IRGM: variants seen among roughly 807,000 people sequenced by gnomAD.
IRGM encodes immunity-related GTPase family M protein.
For missense variants in IRGM, 288 were observed against 219.9 expected, an observed-to-expected ratio of 1.31 and a Z score of -1.96; for synonymous variants, 98 against 80.6, an observed-to-expected ratio of 1.22 and a Z score of -1.16.
chr5:150,849,744 C>T (rs569416825), downstream of IRGM, among the ~76,000 whole-genome samples: 5 of 151,646 alleles, frequency 3.3e-5, no homozygotes, highest in South Asian at 8.3e-4. Flanking sequence ...GTAGCTGAGA[C>T]AACAGGTGCA....
At chr5:150,861,467 A>G (rs1754134994) in intron 1 of IRGM, among the ~76,000 whole-genome samples, 1 of 152,206 alleles carries the variant, frequency 6.6e-6, no homozygotes, top group Non-Finnish European at 1.5e-5. Flanking sequence ...CAGATTCAAG[A>G]GGAGGGGACT....
chr5:150,888,871 G>A (rs1033260901), intron 3 of IRGM, among the ~76,000 whole-genome samples: 1 of 152,034 alleles, frequency 6.6e-6, no homozygotes, highest in South Asian at 2.1e-4. Flanking sequence ...ACGAATTTGG[G>A]GAGAATTAAT....
chr5:150,869,591 T>TG (rs1754253391), intron 1 of IRGM, among the ~76,000 whole-genome samples: 1 of 152,220 alleles, frequency 6.6e-6, no homozygotes, highest in South Asian at 2.1e-4. Context: ...AGAATTTAAC[T>TG]GTGAATCCAT....
intron 1 of IRGM, among the ~76,000 whole-genome samples, chr5:150,867,552 C>A (rs1754224862): frequency 6.6e-6 from 1 of 152,094 alleles, no homozygotes; most frequent in African/African-American, 2.4e-5. Context: ...TAAGAAATAT[C>A]CATACTGTTT....
chr5:150,895,494 C>T (rs1426960709), intron 3 of IRGM: 2 of 1,613,472 alleles, frequency 1.2e-6, no homozygotes, highest in East Asian at 2.2e-5. Context: ...GGCCTTCCCA[C>T]ATATAGCACA....
chr5:150,901,964 G>A (rs10035986), downstream of IRGM, among the ~76,000 whole-genome samples: 3,539 of 152,046 alleles, frequency 0.023, 140 homozygotes, highest in African/African-American at 0.081. Context: ...AAAGAAAAGC[G>A]CAAGAAAATA....
At position 150,880,392 on chromosome 5, in the gene IRGM, C is replaced by G. The variant is rs150279314; in HGVS notation, c.*140+746C>G. ...TTTATGCTTAAACCGAAATTAAGAACCTGGGTTTATTTTAGTAAATCTTTC... is the reference window on the plus strand; with the variant it reads ...TTTATGCTTAAACCGAAATTAAGAAGCTGGGTTTATTTTAGTAAATCTTTC... On this transcript the variant is annotated intron_variant and NMD_transcript_variant, in intron 3 of 3. Coordinates refer to the IRGM transcript ENST00000520549. Among the ~76,000 whole-genome samples the G allele has an allele frequency of 3.5e-3, 539 of 152,212 alleles. 6 individuals are homozygous for G. The highest frequency in any genetic ancestry group is 0.012 in the African/African-American group (509 of 41,516).
At chr5:150,878,119 G>GA (rs533836464) in intron 2 of IRGM, 145 of 406,582 alleles carry the variant, frequency 3.6e-4, no homozygotes, top group South Asian at 6.0e-4. Context: ...GCTCAGGTGA[G>GA]AAAAAAAAAT....
At chr5:150,900,803 G>A (rs182234264), downstream of IRGM, 1 of 152,140 alleles carries the variant, frequency 6.6e-6, no homozygotes, top group African/African-American at 2.4e-5. Context: ...GATAATAAAT[G>A]TGGAATACAG....
At chr5:150,886,336 G>C (rs1754522249) in intron 3 of IRGM, among the ~76,000 whole-genome samples, 1 of 151,724 alleles carries the variant, frequency 6.6e-6, no homozygotes, top group Non-Finnish European at 1.5e-5. Context: ...GCATCAATGT[G>C]TATCAATATT....
At chr5:150,859,529 A>G (rs1173760198) in intron 1 of IRGM, among the ~76,000 whole-genome samples, 1 of 152,218 alleles carries the variant, frequency 6.6e-6, no homozygotes, top group Non-Finnish European at 1.5e-5. Context: ...TACCTCTGGT[A>G]GAATTTGGCT....
intron 2 of IRGM, among the ~76,000 whole-genome samples, chr5:150,878,830 CTT>C (rs1442184339): frequency 6.6e-6 from 1 of 151,438 alleles, no homozygotes; most frequent in Non-Finnish European, 1.5e-5. Flanking sequence ...ATTATTGTCT[CTT>C]AGGATTCTTT....
At chr5:150,884,291 G>A (rs887785641) in intron 3 of IRGM, among the ~76,000 whole-genome samples, 2 of 151,878 alleles carry the variant, frequency 1.3e-5, no homozygotes, top group Admixed American at 6.6e-5. Context: ...TGGTGTATAT[G>A]TACCACATTT....
intron 3 of IRGM, chr5:150,895,316 A>G (rs906520043): frequency 1.1e-5 from 9 of 833,540 alleles, no homozygotes; most frequent in Middle Eastern, 7.6e-4. Context: ...AAATTCCCTT[A>G]AAAATTTTTA....
intron 1 of IRGM, among the ~76,000 whole-genome samples, chr5:150,860,362 T>C (rs1048400462): frequency 2.6e-5 from 4 of 152,208 alleles, no homozygotes; most frequent in African/African-American, 7.2e-5. Context: ...GTCTGTTAAA[T>C]TGGATAATCT....
In IRGM at chr5:150,895,778, A is replaced by C; in HGVS notation, c.*141-4811A>C. The stretch of plus-strand genomic sequence containing the variant: ...TACATTTATAGGGTTTTTCTCCAGT[A>C]TGTGTTCTCTGATGTATGATGAGCT... On this transcript the variant is annotated intron_variant and NMD_transcript_variant, in intron 3 of 3. Transcript: ENST00000520549. The C allele has an allele frequency of 2.5e-6, 4 of 1,613,554 alleles. No individual in the cohort carries two copies. The Admixed American group carries it at 5.0e-5, about 20-fold the overall frequency.
intron 1 of IRGM, among the ~76,000 whole-genome samples, chr5:150,857,537 T>A (rs1754075448): frequency 6.6e-6 from 1 of 151,846 alleles, no homozygotes; most frequent in African/African-American, 2.4e-5. Flanking sequence ...TAGTTTACAG[T>A]CCCACCAACA....
chr5:150,867,652 T>A (rs114152803), intron 1 of IRGM, among the ~76,000 whole-genome samples: 5,106 of 152,118 alleles, frequency 0.034, 273 homozygotes, highest in African/African-American at 0.12. Context: ...ATTTTTTTTT[T>A]AATTTTTAAA....
At chr5:150,865,514 A>T (rs1896708) in intron 1 of IRGM, among the ~76,000 whole-genome samples, 26,073 of 152,116 alleles carry the variant, frequency 0.17, 3,194 homozygotes, top group East Asian at 0.43. Flanking sequence ...AACAGAAAGG[A>T]TGAAAATACA....
Sources: allele counts gnomAD v4.1 joint callset (sites outside exome capture counted in the v4.1 genomes callset), GRCh38; gene constraint gnomAD v4.1.1; transcripts MANE v1.5; gene names NCBI Gene and HGNC (gene_info 2026-07-23, HGNC 2026-07-21).